MTA1: variants seen among roughly 807,000 people sequenced by gnomAD.
MTA1 encodes metastasis associated 1.
Under a neutral mutation model 97.0 loss-of-function variants are expected in MTA1, and 15 were observed. The ratio of observed to expected loss-of-function variants is 0.15; its 90% CI spans 0.10 to 0.24. The LOEUF (loss-of-function observed/expected upper bound fraction) is 0.24, where lower values mean the gene tolerates loss of function less well. MTA1 is among the 10% of genes least tolerant of loss of function. The pLI is 1.00. For synonymous variants in MTA1, 435 were observed against 417.5 expected (o/e 1.04, Z -0.51); for missense variants, 709 against 1,015.1 (o/e 0.70, Z 4.10).
In MTA1 at chr14:105,470,439, T is replaced by G; in HGVS notation, c.*224T>G. On this transcript the variant is annotated 3_prime_UTR_variant, in exon 21 of 21. Transcript: ENST00000331320. ...CGTTTTTAGCTTTGTGTTTACTTTT[T>G]GGCTGGAGCGGAGATGAGGGGCCAC... is the stretch of plus-strand genomic sequence containing the variant. The G allele has an allele frequency of 2.1e-6, 1 of 477,654 alleles. No homozygotes were observed. The highest frequency in any genetic ancestry group is 4.4e-5 in the Admixed American group (1 of 22,738). 29.6% of individuals were successfully genotyped at this position (477,654 alleles called of 1,614,324 possible). A position where few individuals can be genotyped will look rare whatever the true frequency, so the allele number is the denominator to read the frequency against.
rs111361791 is a variant in MTA1 at position 105,424,480 on chromosome 14, C to T, written c.28+4417C>T. 7.0e-4 allele frequency among the ~76,000 whole-genome samples: 106 copies of T among 151,310 alleles called. No homozygotes were observed. The highest frequency in any genetic ancestry group is 3.4e-3 in the Middle Eastern group (1 of 292). ...CCTCTCAAAGTATTGGGATTACAGG[C>T]GTGAGCCACTGCGTCTGGCTTTTTT... On this transcript the variant is annotated intron_variant, in intron 1 of 20. Transcript: ENST00000331320. The surrounding 1 kb of genome is among the most constrained non-coding windows in gnomAD (Gnocchi z 4.0).
At chr14:105,425,913 C>T (rs1218551253) in intron 1 of MTA1, among the ~76,000 whole-genome samples, 1 of 152,012 alleles carries the variant, frequency 6.6e-6, no homozygotes, top group Non-Finnish European at 1.5e-5. Context: ...CTAGGCTGCT[C>T]CCGCCTGGGC....
chr14:105,430,938 C>T (rs782806729), intron 1 of MTA1, among the ~76,000 whole-genome samples: 6 of 152,120 alleles, frequency 3.9e-5, no homozygotes, highest in Non-Finnish European at 5.9e-5. Context: ...TTTGAGCTAC[C>T]GTGGTGGGGT....
intron 4 of MTA1, 45 bp from the exon 5 acceptor site, chr14:105,450,013 A>C: frequency 1.2e-6 from 2 of 1,612,086 alleles, no homozygotes; most frequent in Non-Finnish European, 1.7e-6. Flanking sequence ...TTGGTCTGGC[A>C]GTGTGCGTCT....
At position 105,464,700 on chromosome 14, in the gene MTA1, C is replaced by T; in HGVS notation, c.1371C>T (p.Ser457=). ...GTCCCCACGGCCTCCCAGCCCGGAG[C>T]AGCGGGAGCCCCAAGTTTGCCATGA... ...NMSPHGLPAR[S]SGSPKFAMKT... is the part of the protein sequence containing the mutation. The change falls in exon 15 of 21, where the codon AGC becomes AGT. Residue 457 remains serine (S), a synonymous_variant. Transcript: ENST00000331320. 1 of 1,605,376 alleles carries T rather than the reference C, an allele frequency of 6.2e-7. No homozygotes were observed. Among genetic ancestry groups the T allele is most frequent in the Non-Finnish European group, 8.5e-7 (1 of 1,174,526 alleles).
chr14:105,466,002 G>A, intron 16 of MTA1: 5 of 223,724 alleles, frequency 2.2e-5, no homozygotes, highest in Non-Finnish European at 4.5e-5. Flanking sequence ...CTCAGCAGCT[G>A]TGTCCCTGGC....
At position 105,464,120 on chromosome 14, in the gene MTA1, G is replaced by T; in HGVS notation, c.1165G>T (p.Ala389Ser). 6.2e-7 allele frequency: 1 copy of T among 1,611,428 alleles called. No homozygotes were observed. The highest frequency in any genetic ancestry group is 8.5e-7 in the Non-Finnish European group (1 of 1,179,482). ...GTGAPGQSPG[A>S]GRACESCYTT... The stretch of plus-strand genomic sequence containing the variant: ...GGGGGCGCCGGGCCAGAGCCCTGGG[G>T]CTGGCCGGGCCTGCGAGAGCTGTTA... The change falls in exon 13 of 21, where the codon GCT becomes TCT. Residue 389 changes from alanine to serine, a missense_variant. Ala to Ser is a moderately conservative substitution (Grantham distance 99). Coordinates refer to ENST00000331320, the MANE Select transcript of MTA1 (RefSeq NM_004689.4).
chr14:105,460,774 A>G lies in MTA1; in HGVS notation c.763A>G (p.Met255Val). ...CTGTCTCCTGCCGCAGTTCCACGCC[A>G]TGGATACTCTCCACAAGAACATCTA... ...ASRDITLFHAMDTLHKNIYDI... is the reference protein window; with the variant it reads ...ASRDITLFHAVDTLHKNIYDI... Residue 255 changes from methionine to valine, a missense_variant, in exon 10 of 21, where the codon ATG becomes GTG. By Grantham distance (21) the Met-to-Val change is conservative. Around this residue, in one of 2 missense-constraint regions of MTA1, gnomAD observed 321 missense variants for 593.5 expected, o/e 0.54. Transcript: ENST00000331320. 1 of 1,586,720 alleles carries G rather than the reference A, an allele frequency of 6.3e-7. No homozygotes were observed. Among genetic ancestry groups the G allele is most frequent in the Non-Finnish European group, 8.6e-7 (1 of 1,165,198 alleles).
Position 105,463,706 on chromosome 14 carries a change from T to A in MTA1, c.1076+155T>A. The stretch of plus-strand genomic sequence containing the variant: ...GGAGGGCGGCCCAGGGCTGGGGGGT[T>A]CTGGCTGCAGACGCAGTGGCCATGT... On this transcript the variant is annotated intron_variant, in intron 12 of 20. Transcript: ENST00000331320. This position sits in a 1 kb window ranked among gnomAD's most constrained non-coding sequence, Gnocchi z 5.9. The A allele has an allele frequency of 1.4e-6, 1 of 711,348 alleles. No individual in the cohort carries two copies. Among genetic ancestry groups the A allele is most frequent in the Non-Finnish European group, 2.4e-6 (1 of 423,234 alleles). The allele number at this position is 711,348 out of a possible 1,614,324, so 44.1% of individuals were successfully genotyped here.
intron 1 of MTA1, among the ~76,000 whole-genome samples, chr14:105,426,693 G>A (rs143894808): frequency 5.3e-5 from 8 of 152,332 alleles, no homozygotes; most frequent in African/African-American, 9.6e-5. Context: ...GATGCACCTC[G>A]GATGCTGGGG....
rs1451139163 is a variant in MTA1, at chr14:105,420,926, G to T, written c.28+863G>T. Among the ~76,000 whole-genome samples the T allele has an allele frequency of 6.6e-6, 1 of 152,096 alleles. No homozygotes were observed. The highest frequency in any genetic ancestry group is 6.5e-5 in the Admixed American group (1 of 15,276). On this transcript the variant is annotated intron_variant, in intron 1 of 20. Transcript: ENST00000331320. This position sits in a 1 kb window ranked among gnomAD's most constrained non-coding sequence, Gnocchi z 5.3. ...CCCCTCCCTGCCTGTGACCCTCTCG[G>T]GCAGGTGCTCATTACCTTTCCCACC...
chr14:105,469,494 A>G lies in MTA1; in HGVS notation c.1841A>G (p.His614Arg), dbSNP rs782527400. Reference sequence around the variant, plus strand: ...CTGGCAAACCACGGACAGGCCAGGCACATGGTAAGAGGAACAACCCATGAT... The same window carrying G: ...CTGGCAAACCACGGACAGGCCAGGCGCATGGTAAGAGGAACAACCCATGAT... ...RGLANHGQARHMGPSRNLLLN... is the reference protein window; with the variant it reads ...RGLANHGQARRMGPSRNLLLN... The change falls in exon 19 of 21, where the codon CAC becomes CGC. Residue 614 changes from histidine to arginine, a missense_variant. Physicochemically the swap from His to Arg is conservative, Grantham distance 29 (BLOSUM62 0). Transcript: ENST00000331320. 1 of 1,612,654 alleles carries G rather than the reference A, an allele frequency of 6.2e-7. No individual in the cohort carries two copies. Among genetic ancestry groups the G allele is most frequent in the African/African-American group, 1.3e-5 (1 of 74,926 alleles).
intron 1 of MTA1, among the ~76,000 whole-genome samples, chr14:105,425,005 C>A (rs778098010): frequency 6.6e-6 from 1 of 152,176 alleles, no homozygotes; most frequent in African/African-American, 2.4e-5. Context: ...AGAGGTGGGT[C>A]CCCAGCTGCG....
In MTA1 at chr14:105,419,988, C is replaced by T; in HGVS notation, c.-48C>T. ...GCCTCCATTTTCCCGGCCGCCCGCG[C>T]CGAGCGCCGCGCCCGCCCCGGGCCC... On this transcript the variant is annotated 5_prime_UTR_variant, in exon 1 of 21. Coordinates refer to ENST00000331320, the MANE Select transcript of MTA1 (RefSeq NM_004689.4). The T allele has an allele frequency of 2.0e-6, 2 of 991,886 alleles. No individual in the cohort carries two copies. The highest frequency in any genetic ancestry group is 4.5e-5 in the South Asian group (1 of 22,292). 61.4% of individuals were successfully genotyped at this position (991,886 alleles called of 1,614,324 possible). A position where few individuals can be genotyped will look rare whatever the true frequency, so the allele number is the denominator to read the frequency against.
At chr14:105,448,191 T>C (rs1555427694) in intron 3 of MTA1, among the ~76,000 whole-genome samples, 1 of 152,064 alleles carries the variant, frequency 6.6e-6, no homozygotes, top group African/African-American at 2.4e-5. Flanking sequence ...GGGCACAGCC[T>C]GGGCCTCACG....
In MTA1 at chr14:105,423,728, C is replaced by T. The variant is rs1401770925; in HGVS notation, c.28+3665C>T. Among the ~76,000 whole-genome samples, 4 of 152,378 alleles carry T rather than the reference C, an allele frequency of 2.6e-5. No individual in the cohort carries two copies. In the East Asian group the frequency reaches 7.7e-4, roughly 29 times the overall value. On this transcript the variant is annotated intron_variant, in intron 1 of 20. Coordinates refer to ENST00000331320, the MANE Select transcript of MTA1 (RefSeq NM_004689.4). ...GGCTTGGCATGTGCCATCATCTGCGCTCTGGCGCGCTGTTAGAAATGTTGC... is the reference window on the plus strand; with the variant it reads ...GGCTTGGCATGTGCCATCATCTGCGTTCTGGCGCGCTGTTAGAAATGTTGC...
At chr14:105,435,001 C>T (rs1344307115) in intron 1 of MTA1, among the ~76,000 whole-genome samples, 2 of 152,246 alleles carry the variant, frequency 1.3e-5, no homozygotes, top group Non-Finnish European at 2.9e-5. Context: ...GGGACTTCCT[C>T]GATGGTCAGC....
chr14:105,433,676 A>G (rs1313763828), intron 1 of MTA1, among the ~76,000 whole-genome samples: 1 of 152,222 alleles, frequency 6.6e-6, no homozygotes, highest in Non-Finnish European at 1.5e-5. Context: ...GAGGAAACAC[A>G]TGAACTCACT....
At chr14:105,449,721 G>A (rs2082849463) in intron 4 of MTA1, among the ~76,000 whole-genome samples, 1 of 152,136 alleles carries the variant, frequency 6.6e-6, no homozygotes, top group South Asian at 2.1e-4. Context: ...GGCAGCCGCC[G>A]ACTCCCCCGC....
Sources: allele counts gnomAD v4.1 joint callset (sites outside exome capture counted in the v4.1 genomes callset), GRCh38; gene constraint gnomAD v4.1.1; regional missense constraint gnomAD v4.1.1; non-coding constraint Gnocchi (gnomAD v3.1); transcripts MANE v1.5; gene names NCBI Gene and HGNC (gene_info 2026-07-23, HGNC 2026-07-21).